Variants in PIK3C2G observed in about 807,000 individuals in gnomAD.
PIK3C2G encodes the protein phosphatidylinositol-4-phosphate 3-kinase catalytic subunit type 2 gamma.
In PIK3C2G, 168 loss-of-function variants were observed where a neutral mutation model predicts 181.1. The observed-to-expected ratio is 0.93, with a 90% CI of 0.82 to 1.05. The LOEUF (loss-of-function observed/expected upper bound fraction) is 1.05. Ranked by LOEUF, PIK3C2G falls within the 50% of genes least tolerant of loss-of-function variation. The probability of loss-of-function intolerance (pLI) is 0.00; values close to 1 mark genes in which losing one functional copy is unlikely to be tolerated. For synonymous variants in PIK3C2G, 573 were observed against 592.2 expected, an observed-to-expected ratio of 0.97 and a Z score of 0.47; for missense variants, 1,869 against 1,732.8, an observed-to-expected ratio of 1.08 and a Z score of -1.40.
chr12:18,607,213 A>C (rs768128475), intron 30 of PIK3C2G: 1 of 513,602 alleles, frequency 1.9e-6, no homozygotes, highest in Non-Finnish European at 3.9e-6. Context: ...TGGTTAACAA[A>C]ATGATTTTAA....
In PIK3C2G at chr12:18,518,525, G is replaced by C. The variant is rs918265174; in HGVS notation, c.3323+13064G>C. Among the ~76,000 whole-genome samples, 5 of 152,234 alleles carry C rather than the reference G, an allele frequency of 3.3e-5. No individual in the cohort carries two copies. In the East Asian group the frequency reaches 9.6e-4, roughly 29 times the overall value. ...AGATTTTCTAGTTTATTTGCGTAGA[G>C]GTGTTTATAGTATTCTCTGATGGTA... On this transcript the variant is annotated intron_variant, in intron 24 of 32. Transcript: ENST00000538779.
chr12:18,375,711 C>T (rs1484015352), intron 13 of PIK3C2G, among the ~76,000 whole-genome samples: 1 of 152,310 alleles, frequency 6.6e-6, no homozygotes, highest in South Asian at 2.1e-4. Context: ...ATATTCCAGG[C>T]AGCACCTCCC....
chr12:18,586,902 C>T (rs997299311), intron 29 of PIK3C2G, among the ~76,000 whole-genome samples: 1 of 152,038 alleles, frequency 6.6e-6, no homozygotes, highest in African/African-American at 2.4e-5. Flanking sequence ...GTTGGGTCAA[C>T]ATATGCAAAT....
Position 18,290,932 on chromosome 12 carries a change from A to G in PIK3C2G, c.839A>G (p.Tyr280Cys), listed in dbSNP as rs1054150090. 4 of 1,584,150 alleles carry G rather than the reference A, an allele frequency of 2.5e-6. No homozygotes were observed. Among genetic ancestry groups the G allele is most frequent in the Non-Finnish European group, 3.5e-6 (4 of 1,153,028 alleles). Residue 280 changes from tyrosine (Y) to cysteine (C), a missense_variant, in exon 4 of 33, where the codon TAT (tyrosine) becomes TGT (cysteine). By Grantham distance (194) the Tyr-to-Cys change is radical. Coordinates refer to ENST00000538779, the MANE Select transcript of PIK3C2G (RefSeq NM_001288772.2). ...KIWSTTTAFP[Y>C]QLFSKTKFNI... ...TGGAGCACTACTACAGCATTTCCGT[A>G]TCAGCTCTTTTCTAAGACCAAGTTT...
intron 15 of PIK3C2G, among the ~76,000 whole-genome samples, chr12:18,398,118 T>C (rs558150323): frequency 2.5e-4 from 38 of 152,312 alleles, no homozygotes; most frequent in African/African-American, 9.1e-4. Context: ...TTGCCTCTGA[T>C]GACATCAACA....
intron 20 of PIK3C2G, among the ~76,000 whole-genome samples, chr12:18,495,729 C>T (rs1279914727): frequency 2.0e-5 from 3 of 151,980 alleles, no homozygotes; most frequent in Non-Finnish European, 4.4e-5. Context: ...ATCTACTAAC[C>T]AGCTAGCATA....
chr12:18,303,139 T>TTTCTTTCTTTCTTTTTC (rs71302109), intron 5 of PIK3C2G, among the ~76,000 whole-genome samples: 1 of 128,660 alleles, frequency 7.8e-6, no homozygotes, highest in African/African-American at 3.0e-5. Flanking sequence ...TCTTTCTTTC[T>TTTCTTTCTTTCTTTTTC]TTTCTTTTCT....
At chr12:18,275,011 G>T (rs560837563) in intron 1 of PIK3C2G, among the ~76,000 whole-genome samples, 3 of 152,186 alleles carry the variant, frequency 2.0e-5, no homozygotes, top group Admixed American at 1.3e-4. Flanking sequence ...ATTGTCTGAA[G>T]CTTATTCTCC....
intron 26 of PIK3C2G, among the ~76,000 whole-genome samples, chr12:18,554,243 A>G (rs1307621655): frequency 6.6e-6 from 1 of 152,048 alleles, no homozygotes; most frequent in Non-Finnish European, 1.5e-5. Context: ...AAAGTTCTGC[A>G]TATGGAACTC....
At chr12:18,658,539 A>G in the PIK3C2G span, among the ~76,000 whole-genome samples, 3 of 152,178 alleles carry the variant, frequency 2.0e-5, no homozygotes, top group African/African-American at 7.2e-5. Flanking sequence ...TCAAAGAGCT[A>G]AAAGAAAAGA....
chr12:18,574,976 T>C (rs1946157073), intron 29 of PIK3C2G, among the ~76,000 whole-genome samples: 1 of 152,138 alleles, frequency 6.6e-6, no homozygotes, highest in Non-Finnish European at 1.5e-5. Context: ...GCCTCCTAAT[T>C]GTAAAATAGA....
rs898780364 is a variant in PIK3C2G at position 18,567,064 on chromosome 12, T to C, written c.4011+7T>C. ...ATCACATGAAGTTACAAACGTATGT[T>C]ATAATTAATTTTTCTATTTTTACAT... On this transcript the variant is annotated splice_region_variant and intron_variant, in intron 29 of 32. Coordinates refer to ENST00000538779, the MANE Select transcript of PIK3C2G (RefSeq NM_001288772.2). 8 of 1,182,078 alleles carry C rather than the reference T, an allele frequency of 6.8e-6. No individual in the cohort carries two copies. In the Admixed American group the frequency reaches 1.0e-4, roughly 15 times the overall value. The allele number at this position is 1,182,078 out of a possible 1,614,324, so 73.2% of individuals were successfully genotyped here.
At chr12:18,458,853 T>A (rs1450476338) in intron 18 of PIK3C2G, among the ~76,000 whole-genome samples, 5 of 134,118 alleles carry the variant, frequency 3.7e-5, no homozygotes, top group Non-Finnish European at 4.9e-5. Flanking sequence ...ACAGCCAGTT[T>A]AAAAAAAAAA....
intron 18 of PIK3C2G, among the ~76,000 whole-genome samples, chr12:18,430,950 T>A (rs1946121323): frequency 6.6e-6 from 1 of 152,180 alleles, no homozygotes; most frequent in South Asian, 2.1e-4. Context: ...TGTCCATTTT[T>A]TTTTTAAATA....
intron 5 of PIK3C2G, among the ~76,000 whole-genome samples, chr12:18,304,613 C>T (rs1449763148): frequency 6.6e-6 from 1 of 152,140 alleles, no homozygotes; most frequent in South Asian, 2.1e-4. Flanking sequence ...TAGTCTTGTA[C>T]TCAGAGTAAA....
At chr12:18,532,741 T>C (rs140552619) in intron 24 of PIK3C2G, among the ~76,000 whole-genome samples, 2 of 152,284 alleles carry the variant, frequency 1.3e-5, no homozygotes, top group African/African-American at 2.4e-5. Context: ...CTGTGGGGGA[T>C]TGAAGTGCCA....
At chr12:18,558,769 A>G (rs1397622906) in intron 26 of PIK3C2G, among the ~76,000 whole-genome samples, 2 of 152,172 alleles carry the variant, frequency 1.3e-5, no homozygotes, top group African/African-American at 4.8e-5. Flanking sequence ...TGGGCATCCT[A>G]TTTAAAACTG....
At chr12:18,646,420 T>C (rs902583605) in intron 32 of PIK3C2G, among the ~76,000 whole-genome samples, 4 of 152,190 alleles carry the variant, frequency 2.6e-5, no homozygotes, top group Admixed American at 2.0e-4. Flanking sequence ...TCGCATATCA[T>C]ATTGTATCTC....
intron 32 of PIK3C2G, among the ~76,000 whole-genome samples, chr12:18,642,045 G>A (rs778654881): frequency 6.6e-6 from 1 of 151,994 alleles, no homozygotes; most frequent in Admixed American, 6.6e-5. Context: ...CACCATGCCC[G>A]GCCTCTGTCA....
Sources: allele counts gnomAD v4.1 joint callset (sites outside exome capture counted in the v4.1 genomes callset), GRCh38; gene constraint gnomAD v4.1.1; transcripts MANE v1.5; gene names NCBI Gene and HGNC (gene_info 2026-07-23, HGNC 2026-07-21).